Variants in CHRM3 observed in about 807,000 individuals in gnomAD.
CHRM3 encodes muscarinic acetylcholine receptor M3.
Under a neutral mutation model 41.8 loss-of-function variants are expected in CHRM3, and 11 were observed. The ratio of observed to expected loss-of-function variants is 0.26; its 90% CI spans 0.17 to 0.44. CHRM3 has a LOEUF of 0.44. Ranked by LOEUF, CHRM3 falls within the 20% of genes least tolerant of loss-of-function variation. The pLI is 1.00. For missense variants in CHRM3, 571 were observed against 745.4 expected (o/e 0.77, Z 2.72); for synonymous variants, 297 against 301.4 (o/e 0.99, Z 0.15).
Position 239,748,886 on chromosome 1 carries a change from A to G in CHRM3, c.-147+70598A>G, listed in dbSNP as rs1048152591. On this transcript the variant is annotated intron_variant, in intron 5 of 6. Transcript: ENST00000676153. The surrounding 1 kb of genome is among the most constrained non-coding windows in gnomAD (Gnocchi z 4.3). Reference sequence around the variant, plus strand: ...CGTATTAACTGGCTAGCTTTACTGAAGGAAAATGATTTCTGGGGCACACCA... The same window carrying G: ...CGTATTAACTGGCTAGCTTTACTGAGGGAAAATGATTTCTGGGGCACACCA... Among the ~76,000 whole-genome samples the G allele has an allele frequency of 6.6e-6, 1 of 152,196 alleles. No homozygotes were observed. Among genetic ancestry groups the G allele is most frequent in the African/African-American group, 2.4e-5 (1 of 41,452 alleles).
intron 6 of CHRM3, among the ~76,000 whole-genome samples, chr1:239,863,231 C>T (rs1172357294): frequency 1.3e-5 from 2 of 152,146 alleles, no homozygotes; most frequent in Non-Finnish European, 2.9e-5. Flanking sequence ...AAACTTAGGC[C>T]TTGCTACCAT....
chr1:239,674,481 G>A (rs1010318959), intron 4 of CHRM3, among the ~76,000 whole-genome samples: 14 of 151,932 alleles, frequency 9.2e-5, no homozygotes, highest in Admixed American at 1.3e-4. Flanking sequence ...AGGCCCAGGC[G>A]GGGGGATCAC....
chr1:239,430,169 T>A (rs1662718699), intron 1 of CHRM3, among the ~76,000 whole-genome samples: 1 of 151,946 alleles, frequency 6.6e-6, no homozygotes, highest in Non-Finnish European at 1.5e-5. Flanking sequence ...GGTTTCACCA[T>A]CTTGGCCAGG....
intron 6 of CHRM3, among the ~76,000 whole-genome samples, chr1:239,842,416 G>A (rs1371894890): frequency 6.6e-6 from 1 of 152,008 alleles, no homozygotes; most frequent in Non-Finnish European, 1.5e-5. Flanking sequence ...TGTATTTTTA[G>A]TAGAGACGGG....
chr1:239,539,163 C>G (rs1194429339), intron 2 of CHRM3, among the ~76,000 whole-genome samples: 1 of 152,202 alleles, frequency 6.6e-6, no homozygotes, highest in African/African-American at 2.4e-5. Context: ...GAAGCTGCTT[C>G]AGATTCCCTG....
intron 2 of CHRM3, among the ~76,000 whole-genome samples, chr1:239,536,388 C>T (rs894044495): frequency 2.6e-5 from 4 of 152,146 alleles, no homozygotes; most frequent in Admixed American, 6.5e-5. Flanking sequence ...AGAACATAAT[C>T]GTAGTCATCC....
chr1:239,884,958 C>T (rs138343264), intron 6 of CHRM3, among the ~76,000 whole-genome samples: 15 of 152,204 alleles, frequency 9.9e-5, no homozygotes, highest in African/African-American at 2.9e-4. Context: ...TGAGTCATGC[C>T]GCTGGCCTTG....
chr1:239,603,991 A>G (rs1665925367), intron 3 of CHRM3, among the ~76,000 whole-genome samples: 1 of 152,300 alleles, frequency 6.6e-6, no homozygotes, highest in Admixed American at 6.5e-5. Context: ...TAGATAAGAA[A>G]CATGAAATGC....
chr1:239,767,946 A>G (rs1216844082), intron 5 of CHRM3, among the ~76,000 whole-genome samples: 4 of 152,148 alleles, frequency 2.6e-5, no homozygotes, highest in Non-Finnish European at 4.4e-5. Flanking sequence ...CTGCATTTAT[A>G]ACAAGCCCCG....
At chr1:239,500,480 G>T (rs541046058) in intron 2 of CHRM3, among the ~76,000 whole-genome samples, 1 of 151,308 alleles carries the variant, frequency 6.6e-6, no homozygotes, top group Non-Finnish European at 1.5e-5. Flanking sequence ...GTGGGGGGAT[G>T]GGGGAGGGAT....
At chr1:239,724,491 C>G (rs1391462576) in intron 5 of CHRM3, among the ~76,000 whole-genome samples, 2 of 151,904 alleles carry the variant, frequency 1.3e-5, no homozygotes, top group Non-Finnish European at 2.9e-5. Context: ...TTTACTTAAC[C>G]TCACTCTATT....
chr1:239,453,146 G>A (rs1572355743), intron 1 of CHRM3, among the ~76,000 whole-genome samples: 1 of 152,320 alleles, frequency 6.6e-6, no homozygotes. Flanking sequence ...GAGAGACTAG[G>A]AGAGACTAGA....
Position 239,480,692 on chromosome 1 carries a change from G to A in CHRM3, c.-520-12017G>A, listed in dbSNP as rs559103589. On this transcript the variant is annotated intron_variant, in intron 1 of 6. Transcript: ENST00000676153. The stretch of plus-strand genomic sequence containing the variant: ...CTGCTTCAGCCTCCTGAGTAGCGGG[G>A]ACTACAGGTGCCCACCAGCACACCT... Among the ~76,000 whole-genome samples, 11 of 151,928 alleles carry A rather than the reference G, an allele frequency of 7.2e-5. No individual in the cohort carries two copies. The East Asian group carries it at 2.1e-3, about 29-fold the overall frequency.
intron 3 of CHRM3, among the ~76,000 whole-genome samples, chr1:239,555,079 G>C (rs1307238368): frequency 6.6e-6 from 1 of 152,094 alleles, no homozygotes; most frequent in African/African-American, 2.4e-5. Context: ...ATATTTGTAG[G>C]TGTTGTAGAA....
intron 3 of CHRM3, among the ~76,000 whole-genome samples, chr1:239,548,910 A>G (rs1166245560): frequency 6.6e-6 from 1 of 152,236 alleles, no homozygotes; most frequent in Non-Finnish European, 1.5e-5. Context: ...GTCCATTTTC[A>G]TGCTGCTGAT....
chr1:239,756,290 CT>C (rs1254943496), intron 5 of CHRM3, among the ~76,000 whole-genome samples: 2 of 152,176 alleles, frequency 1.3e-5, no homozygotes, highest in Admixed American at 6.5e-5. Flanking sequence ...GGAGCTTCTC[CT>C]AGTCAGTCTG....
At chr1:239,800,424 A>G (rs1160449863) in intron 5 of CHRM3, among the ~76,000 whole-genome samples, 1 of 152,218 alleles carries the variant, frequency 6.6e-6, no homozygotes, top group Non-Finnish European at 1.5e-5. Flanking sequence ...TGCTCAGTTA[A>G]GTGTCTGCTG....
intron 3 of CHRM3, among the ~76,000 whole-genome samples, chr1:239,622,499 G>A (rs1192189020): frequency 1.3e-5 from 2 of 152,162 alleles, no homozygotes; most frequent in East Asian, 3.9e-4. Context: ...ACAGGAGTTT[G>A]AAGAAGTAGA....
intron 6 of CHRM3, among the ~76,000 whole-genome samples, chr1:239,881,097 C>T (rs1028230759): frequency 5.9e-5 from 9 of 151,826 alleles, no homozygotes; most frequent in African/African-American, 2.2e-4. Flanking sequence ...TCCTGGCTAA[C>T]ACGGTGAAAC....
Sources: gnomAD v4.1 joint callset for allele counts (sites outside exome capture counted in the v4.1 genomes callset) on GRCh38, gnomAD v4.1.1 for gene constraint, Gnocchi (gnomAD v3.1) non-coding constraint, MANE v1.5 for transcripts, NCBI Gene and HGNC (gene_info 2026-07-23, HGNC 2026-07-21) for gene names.